Variants in NLRP3 observed in about 807,000 individuals in gnomAD.
The protein encoded by NLRP3 is NLR family pyrin domain containing 3.
Under a neutral mutation model 91.3 loss-of-function variants are expected in NLRP3, and 48 were observed. That is an observed-to-expected ratio of 0.53 (90% confidence interval 0.42 to 0.67). The LOEUF (loss-of-function observed/expected upper bound fraction) is 0.67. NLRP3 is among the 30% of genes least tolerant of loss of function. The pLI is 0.00. For missense variants in NLRP3, 982 were observed against 1,276.9 expected (o/e 0.77, Z 3.52); for synonymous variants, 561 against 507.9 (o/e 1.10, Z -1.41).
chr1:247,437,773 T>A (rs974358003), intron 7 of NLRP3, among the ~76,000 whole-genome samples: 5 of 152,324 alleles, frequency 3.3e-5, no homozygotes, highest in African/African-American at 1.2e-4. Context: ...TAAGAAAAAC[T>A]GGAGTGACGG....
chr1:247,435,944 C>T (rs1032278872), intron 6 of NLRP3, 26 bp from the exon 7 acceptor site: 1 of 1,612,176 alleles, frequency 6.2e-7, no homozygotes, highest in Non-Finnish European at 8.5e-7. Flanking sequence ...AGAGACATGA[C>T]TGACATTCTG....
chr1:247,420,925 A>T (rs1662412739), intron 2 of NLRP3, among the ~76,000 whole-genome samples: 1 of 152,136 alleles, frequency 6.6e-6, no homozygotes, highest in Non-Finnish European at 1.5e-5. Flanking sequence ...CCAATTCTCC[A>T]TCCAGCTTCT....
At chr1:247,440,927 A>G (rs910203443) in intron 7 of NLRP3, among the ~76,000 whole-genome samples, 4 of 152,002 alleles carry the variant, frequency 2.6e-5, no homozygotes, top group African/African-American at 7.3e-5. Context: ...TGTGATCCTC[A>G]TTTTGTCCAT....
rs766473506 is a variant in NLRP3 at position 247,425,357 on chromosome 1, G to A, written c.1908G>A (p.Gln636=). Residue 636 remains glutamine (Q), a synonymous_variant, in exon 4 of 10, where the codon CAG becomes CAA. Coordinates refer to ENST00000336119, the MANE Select transcript of NLRP3 (RefSeq NM_001243133.2). This position sits in a 1 kb window ranked among gnomAD's most constrained non-coding sequence, Gnocchi z 4.1. ...TGTTCTACTGTTTGTACGAGATGCA[G>A]GAGGAGGACTTCGTGCAAAGGGCCA... ...LELFYCLYEM[Q]EEDFVQRAMD... 2 of 1,614,230 alleles carry A rather than the reference G, an allele frequency of 1.2e-6. No individual in the cohort carries two copies. Among genetic ancestry groups the A allele is most frequent in the Admixed American group, 1.7e-5 (1 of 60,022 alleles).
chr1:247,438,380 T>G lies in NLRP3; in HGVS notation c.2663+2240T>G, dbSNP rs112854984. On this transcript the variant is annotated intron_variant, in intron 7 of 9. Coordinates refer to ENST00000336119, the MANE Select transcript of NLRP3 (RefSeq NM_001243133.2). ...GATTTCACGACTGGTTTAGTTGTGT[T>G]TTTTTTTTTTTTTTTTTTTTTGAGT... is the stretch of plus-strand genomic sequence containing the variant. Among the ~76,000 whole-genome samples the G allele has an allele frequency of 3.0e-3, 27 of 8,902 alleles. No homozygotes were observed. The South Asian group carries it at 0.032, about 11-fold the overall frequency. The allele number at this position is 8,902 out of a possible 152,430, so 5.8% of individuals were successfully genotyped here.
At chr1:247,428,602 G>C (rs528224173) in intron 4 of NLRP3, among the ~76,000 whole-genome samples, 2 of 152,134 alleles carry the variant, frequency 1.3e-5, no homozygotes, top group East Asian at 3.9e-4. Context: ...CCTCTCTACA[G>C]AAAAACAAAA....
chr1:247,429,516 GC>G, intron 4 of NLRP3, 68 bp from the exon 5 acceptor site: 18 of 1,567,604 alleles, frequency 1.1e-5, no homozygotes, highest in Non-Finnish European at 1.5e-5. Context: ...AGGCACCCCG[GC>G]CCCCAGCTCC....
intron 4 of NLRP3, among the ~76,000 whole-genome samples, chr1:247,428,896 C>CTTTT (rs1174663389): frequency 7.3e-6 from 1 of 136,558 alleles, no homozygotes. Flanking sequence ...TTTTCTTTTT[C>CTTTT]TTTTTTTTTT....
In NLRP3 at chr1:247,424,980, G is replaced by T; in HGVS notation, c.1531G>T (p.Asp511Tyr). 6.2e-7 allele frequency: 1 copy of T among 1,614,202 alleles called. No homozygotes were observed. The highest frequency in any genetic ancestry group is 8.5e-7 in the Non-Finnish European group (1 of 1,180,046). The change falls in exon 4 of 10, where the codon GAC becomes TAC. Residue 511 changes from aspartate to tyrosine, a missense_variant. Around this residue, in one of 5 missense-constraint regions of NLRP3, gnomAD observed 548 missense variants for 713.7 expected, o/e 0.77. Coordinates refer to ENST00000336119, the MANE Select transcript of NLRP3 (RefSeq NM_001243133.2). This position sits in a 1 kb window ranked among gnomAD's most constrained non-coding sequence, Gnocchi z 8.1. ...LRMNLFQKEV[D>Y]CEKFYSFIHM... ...GATGAACCTGTTCCAAAAGGAAGTG[G>T]ACTGCGAGAAGTTCTACAGCTTCAT... is the stretch of plus-strand genomic sequence containing the variant.
rs1662767381 is a variant in NLRP3 at position 247,425,084 on chromosome 1, A to G, written c.1635A>G (p.Pro545=). ...EEEKEGRTNV[P]GSRLKLPSRD... ...AAAAGGAAGGAAGGACGAACGTTCC[A>G]GGGAGTCGTTTGAAGCTTCCCAGCC... Residue 545 remains proline (P), a synonymous_variant, in exon 4 of 10, where the codon CCA becomes CCG. Coordinates refer to ENST00000336119, the MANE Select transcript of NLRP3 (RefSeq NM_001243133.2). The surrounding 1 kb of genome is among the most constrained non-coding windows in gnomAD (Gnocchi z 4.1). 1.2e-6 allele frequency: 2 copies of G among 1,614,056 alleles called. No individual in the cohort carries two copies. Among genetic ancestry groups the G allele is most frequent in the Admixed American group, 3.3e-5 (2 of 60,004 alleles).
intron 9 of NLRP3, 130 bp from the exon 10 acceptor site, chr1:247,448,268 CTTTTTTT>C (rs58966539): frequency 8.7e-5 from 31 of 357,846 alleles, no homozygotes; most frequent in Non-Finnish European, 1.3e-4. Context: ...TGTGGTCCCT[CTTTTTTT>C]TTTTTTTTTT....
In NLRP3 at chr1:247,429,539, A is replaced by T. The variant is rs200688755; in HGVS notation, c.2151-46A>T. On this transcript the variant is annotated intron_variant, in intron 4 of 9. Transcript: ENST00000336119. ...CGGCCCCCAGCTCCAGTTAGTTATT[A>T]TTCGAGGCTGATTTCTTTTCTGTCT... The T allele has an allele frequency of 1.9e-6, 3 of 1,606,006 alleles. No homozygotes were observed. In the African/African-American group the frequency reaches 4.0e-5, roughly 21 times the overall value.
intron 9 of NLRP3, among the ~76,000 whole-genome samples, chr1:247,446,957 C>G (rs1664622562): frequency 6.6e-6 from 1 of 151,572 alleles, no homozygotes; most frequent in Non-Finnish European, 1.5e-5. Context: ...GATGGGGGAA[C>G]AAACAAAGGA....
In NLRP3 at chr1:247,423,977, G is replaced by A. The variant is rs145959945; in HGVS notation, c.528G>A (p.Arg176=). 3.1e-6 allele frequency: 5 copies of A among 1,614,000 alleles called. No individual in the cohort carries two copies. In the African/African-American group the frequency reaches 4.0e-5, roughly 13 times the overall value. ...YTRLRLIKEH[R]SQQEREQELL... The stretch of plus-strand genomic sequence containing the variant: ...GACTGCGTCTCATCAAGGAGCACCG[G>A]AGCCAGCAGGAGAGGGAGCAGGAGC... The change falls in exon 4 of 10, where the codon CGG becomes CGA. Residue 176 remains arginine (R), a synonymous_variant. Transcript: ENST00000336119.
chr1:247,440,633 C>T (rs914813087), intron 7 of NLRP3, among the ~76,000 whole-genome samples: 5 of 152,106 alleles, frequency 3.3e-5, no homozygotes, highest in Non-Finnish European at 7.4e-5. Flanking sequence ...CTATGATGCT[C>T]AGGCTGAATT....
chr1:247,423,715 C>T, intron 3 of NLRP3, 132 bp from the exon 4 acceptor site: 10 of 835,450 alleles, frequency 1.2e-5, no homozygotes, highest in Non-Finnish European at 2.0e-5. Context: ...CTTTCCTACC[C>T]AGTGGGGAGG....
rs1450413049 is a variant in NLRP3, at chr1:247,434,239, C to G, written c.2458C>G (p.Leu820Val). 6.2e-7 allele frequency: 1 copy of G among 1,614,254 alleles called. No individual in the cohort carries two copies. The highest frequency in any genetic ancestry group is 8.5e-7 in the Non-Finnish European group (1 of 1,180,042). ...DFGIRLLCVG[L>V]KHLLCNLKKL... ...CGGAATCAGACTTCTGTGTGTGGGACTGAAGCACCTGTTGTGCAATCTGAA... is the reference window on the plus strand; with the variant it reads ...CGGAATCAGACTTCTGTGTGTGGGAGTGAAGCACCTGTTGTGCAATCTGAA... Residue 820 changes from leucine (L) to valine (V), a missense_variant, in exon 6 of 10, where the codon CTG (leucine) becomes GTG (valine). Physicochemically the swap from Leu to Val is conservative, Grantham distance 32. Coordinates refer to ENST00000336119, the MANE Select transcript of NLRP3 (RefSeq NM_001243133.2).
Position 247,423,932 on chromosome 1 carries a change from C to A in NLRP3, c.483C>A (p.Ser161Arg). ...ATGCCCGTCTGGGTGAGAGTGTGAG[C>A]CTCAACAAACGCTACACACGACTGC... Reference protein sequence around the residue: ...DRNARLGESVSLNKRYTRLRL... With the variant: ...DRNARLGESVRLNKRYTRLRL... Residue 161 changes from serine (S) to arginine (R), a missense_variant, in exon 4 of 10, where the codon AGC (serine) becomes AGA (arginine). Physicochemically the swap from Ser to Arg is moderately radical, Grantham distance 110. This residue lies in a region of NLRP3 where 548 missense variants were observed against 713.7 expected (regional missense o/e 0.77). Coordinates refer to ENST00000336119, the MANE Select transcript of NLRP3 (RefSeq NM_001243133.2). 1 of 1,613,994 alleles carries A rather than the reference C, an allele frequency of 6.2e-7. No homozygotes were observed. Among genetic ancestry groups the A allele is most frequent in the African/African-American group, 1.3e-5 (1 of 74,994 alleles).
chr1:247,436,167 A>G (rs781506814), intron 7 of NLRP3, 27 bp downstream of exon 7: 5 of 1,611,704 alleles, frequency 3.1e-6, no homozygotes, highest in Non-Finnish European at 4.2e-6. Context: ...GTCTTACCAG[A>G]AAAGTAACTT....
Sources: gnomAD v4.1 joint callset for allele counts (sites outside exome capture counted in the v4.1 genomes callset) on GRCh38, gnomAD v4.1.1 for gene constraint, gnomAD v4.1.1 regional missense constraint, Gnocchi (gnomAD v3.1) non-coding constraint, MANE v1.5 for transcripts, NCBI Gene and HGNC (gene_info 2026-07-23, HGNC 2026-07-21) for gene names.